Variants in JMJD1C observed in about 807,000 individuals in gnomAD.
JMJD1C encodes the protein jumonji domain containing 1C.
In JMJD1C, 31 loss-of-function variants were observed where a neutral mutation model predicts 245.3. That is an observed-to-expected ratio of 0.13 (90% CI 0.09 to 0.17). The LOEUF (loss-of-function observed/expected upper bound fraction) is 0.17, where lower values mean the gene tolerates loss of function less well. Ranked by LOEUF, JMJD1C falls within the 10% of genes least tolerant of loss-of-function variation. The probability of loss-of-function intolerance (pLI) is 1.00; values close to 1 mark genes in which losing one functional copy is unlikely to be tolerated. For synonymous variants in JMJD1C, 1,057 were observed against 1,017.4 expected (o/e 1.04, Z -0.74); for missense variants, 2,691 against 3,000.2 (o/e 0.90, Z 2.41).
At chr10:63,339,466 G>A (rs1209143363) in intron 2 of JMJD1C, among the ~76,000 whole-genome samples, 1 of 151,796 alleles carries the variant, frequency 6.6e-6, no homozygotes, top group Non-Finnish European at 1.5e-5. Context: ...TAGAGTAGAT[G>A]CAAAAACAAG....
intron 2 of JMJD1C, among the ~76,000 whole-genome samples, chr10:63,287,654 T>A (rs1858151755): frequency 6.6e-6 from 1 of 152,198 alleles, no homozygotes; most frequent in East Asian, 1.9e-4. Flanking sequence ...CATCCTGAGT[T>A]TTCTTAGAAA....
chr10:63,168,037 G>C lies in JMJD1C; in HGVS notation c.*8C>G. On this transcript the variant is annotated 3_prime_UTR_variant, in exon 26 of 26. Coordinates refer to ENST00000399262, the MANE Select transcript of JMJD1C (RefSeq NM_032776.3). ...TCAACAACCTAAAAATATCAAACTG[G>C]ATCACACTTAATTTTCTTCCATATC... 1 of 1,499,054 alleles carries C rather than the reference G, an allele frequency of 6.7e-7. No individual in the cohort carries two copies. Among genetic ancestry groups the C allele is most frequent in the Non-Finnish European group, 9.3e-7 (1 of 1,076,174 alleles). 92.9% of individuals were successfully genotyped at this position (1,499,054 alleles called of 1,614,324 possible). A position where few individuals can be genotyped will look rare whatever the true frequency, so the allele number is the denominator to read the frequency against.
chr10:63,337,240 G>C (rs998973360), intron 2 of JMJD1C, among the ~76,000 whole-genome samples: 5 of 151,324 alleles, frequency 3.3e-5, no homozygotes, highest in African/African-American at 1.2e-4. Context: ...CTGGGCACTT[G>C]AGACCAGCCT....
chr10:63,455,215 C>T (rs1952334914), intron 1 of JMJD1C, among the ~76,000 whole-genome samples: 1 of 152,016 alleles, frequency 6.6e-6, no homozygotes, highest in African/African-American at 2.4e-5. Flanking sequence ...TTCTGTGGTA[C>T]CCAGTCAAAA....
chr10:63,239,675 AC>A (rs1297298451), intron 3 of JMJD1C, among the ~76,000 whole-genome samples: 2 of 152,060 alleles, frequency 1.3e-5, no homozygotes, highest in African/African-American at 4.8e-5. Flanking sequence ...CAAACTCTTG[AC>A]CTCAGGTGAT....
chr10:63,520,375 C>A (rs1208358072), intron 1 of JMJD1C, among the ~76,000 whole-genome samples: 1 of 152,088 alleles, frequency 6.6e-6, no homozygotes, highest in Non-Finnish European at 1.5e-5. Context: ...TAATTAAAGG[C>A]TCCAAGCCTA....
At chr10:63,300,020 T>TC (rs1437265436) in intron 2 of JMJD1C, among the ~76,000 whole-genome samples, 1 of 152,176 alleles carries the variant, frequency 6.6e-6, no homozygotes, top group Non-Finnish European at 1.5e-5. Context: ...TTGATGAGTA[T>TC]GTACAATTAG....
rs548310105 is a variant in JMJD1C, at chr10:63,473,817, C to T, written n.113+47921G>A. Among the ~76,000 whole-genome samples, 18 of 151,632 alleles carry T rather than the reference C, an allele frequency of 1.2e-4. No homozygotes were observed. In the South Asian group the frequency reaches 2.3e-3, roughly 19 times the overall value. ...CAGCACTTTGGGAGGCCAAGGCGGG[C>T]GGATCACCTGAGGTCAGGAGTTTGA... On this transcript the variant is annotated intron_variant and non_coding_transcript_variant, in intron 1 of 3. Coordinates refer to the JMJD1C transcript ENST00000633035.
chr10:63,268,117 T>TA (rs5785563), intron 2 of JMJD1C, among the ~76,000 whole-genome samples: 123,864 of 147,310 alleles, frequency 0.84, 52,592 homozygotes, highest in African/African-American at 0.95. Context: ...AATTCCAAGT[T>TA]AAAAAAAAAA....
In JMJD1C at chr10:63,191,036, C is replaced by A; in HGVS notation, c.6149G>T (p.Gly2050Val). 1 of 1,614,118 alleles carries A rather than the reference C, an allele frequency of 6.2e-7. No homozygotes were observed. Among genetic ancestry groups the A allele is most frequent in the Non-Finnish European group, 8.5e-7 (1 of 1,179,954 alleles). Reference sequence around the variant, plus strand: ...CTGGGACACAAGAGGTGATGTTCTGCCATTTGGAGATTCAGAGTTGTCTTG... The same window carrying A: ...CTGGGACACAAGAGGTGATGTTCTGACATTTGGAGATTCAGAGTTGTCTTG... ...REQDNSESPN[G>V]RTSPLVSQNN... is the part of the protein sequence containing the mutation. Residue 2050 changes from glycine to valine, a missense_variant, in exon 17 of 26, where the codon GGC becomes GTC. This residue lies in a region of JMJD1C where 275 missense variants were observed against 285.5 expected (regional missense o/e 0.96). Coordinates refer to ENST00000399262, the MANE Select transcript of JMJD1C (RefSeq NM_032776.3).
intron 2 of JMJD1C, among the ~76,000 whole-genome samples, chr10:63,318,676 TA>T (rs1271204746): frequency 3.6e-4 from 53 of 147,918 alleles, no homozygotes; most frequent in Middle Eastern, 3.5e-3. Flanking sequence ...AACTGGAATT[TA>T]AAAAAAAAAA....
At position 63,465,234 on chromosome 10, in the gene JMJD1C, A is replaced by AC. The variant is rs1273531734; in HGVS notation, c.168+260dup. Reference sequence around the variant, plus strand: ...GCGCCACAGCGGGGAGCCGCGGTCGACCCCTCCGGGATGGGGGCCAGGGCA... The same window carrying AC: ...GCGCCACAGCGGGGAGCCGCGGTCGACCCCCTCCGGGATGGGGGCCAGGGCA... On this transcript the variant is annotated intron_variant, in intron 1 of 25. Transcript: ENST00000399262. 5 of 410,166 alleles carry AC rather than the reference A, an allele frequency of 1.2e-5. No homozygotes were observed. In the East Asian group the frequency reaches 1.5e-4, roughly 12 times the overall value. The allele number at this position is 410,166 out of a possible 1,614,324, so 25.4% of individuals were successfully genotyped here.
chr10:63,463,127 T>C (rs1952912679), intron 1 of JMJD1C, among the ~76,000 whole-genome samples: 1 of 152,094 alleles, frequency 6.6e-6, no homozygotes, highest in Non-Finnish European at 1.5e-5. Context: ...AATCACAAAC[T>C]AGCCTATTCA....
At chr10:63,375,234 T>TG (rs1946638737) in intron 2 of JMJD1C, among the ~76,000 whole-genome samples, 2 of 134,118 alleles carry the variant, frequency 1.5e-5, no homozygotes, top group East Asian at 4.4e-4. Flanking sequence ...TCACCCAGGC[T>TG]GGAGTGCCCT....
intron 3 of JMJD1C, among the ~76,000 whole-genome samples, chr10:63,262,704 A>AT (rs1416674947): frequency 6.6e-6 from 1 of 152,192 alleles, no homozygotes; most frequent in Non-Finnish European, 1.5e-5. Flanking sequence ...GTGACTTAGT[A>AT]TATACACTAG....
chr10:63,193,205 GTAGTA>G, intron 15 of JMJD1C, 54 bp from the exon 16 acceptor site: 1 of 1,515,686 alleles, frequency 6.6e-7, no homozygotes, highest in Non-Finnish European at 9.1e-7. Flanking sequence ...AATTCAATTA[GTAGTA>G]TAGATACAAA....
At chr10:63,365,891 C>G (rs1326467775) in intron 2 of JMJD1C, among the ~76,000 whole-genome samples, 1 of 152,154 alleles carries the variant, frequency 6.6e-6, no homozygotes, top group Non-Finnish European at 1.5e-5. Flanking sequence ...ATCACTAGGC[C>G]TCTGGCATGT....
chr10:63,198,710 T>C lies in JMJD1C; in HGVS notation c.5294A>G (p.Asn1765Ser), dbSNP rs762996663. 22 of 1,594,788 alleles carry C rather than the reference T, an allele frequency of 1.4e-5. No individual in the cohort carries two copies. Among genetic ancestry groups the C allele is most frequent in the Non-Finnish European group, 1.9e-5 (22 of 1,171,010 alleles). The change falls in exon 12 of 26, where the codon AAC becomes AGC. Residue 1765 changes from asparagine (N) to serine (S), a missense_variant. Transcript: ENST00000399262. ...GAAACCATCTATTCTAACTACTCCG[T>C]TTTTACTAAATGACAACCTGAAATA... Reference protein sequence around the residue: ...YYFRRLSFSKNGVVRIDGFSS... With the variant: ...YYFRRLSFSKSGVVRIDGFSS...
chr10:63,499,083 C>A lies in JMJD1C; in HGVS notation n.113+22655G>T, dbSNP rs573964666. Among the ~76,000 whole-genome samples, 5 of 152,276 alleles carry A rather than the reference C, an allele frequency of 3.3e-5. No homozygotes were observed. The East Asian group carries it at 9.6e-4, about 29-fold the overall frequency. ...TCTTTTTCTAAGTCTAAATAATATTCCATTGTATGTATATACCACATTTCC... is the reference window on the plus strand; with the variant it reads ...TCTTTTTCTAAGTCTAAATAATATTACATTGTATGTATATACCACATTTCC... On this transcript the variant is annotated intron_variant and non_coding_transcript_variant, in intron 1 of 3. Coordinates refer to the JMJD1C transcript ENST00000633035.
Sources: allele counts gnomAD v4.1 joint callset (sites outside exome capture counted in the v4.1 genomes callset), GRCh38; gene constraint gnomAD v4.1.1; regional missense constraint gnomAD v4.1.1; transcripts MANE v1.5; gene names NCBI Gene and HGNC (gene_info 2026-07-23, HGNC 2026-07-21).